Variants in SLC35B4 observed in about 807,000 individuals in gnomAD.
SLC35B4 encodes the protein nucleotide sugar transporter SLC35B4.
SLC35B4 carries 28 observed loss-of-function variants against 39.5 expected under a neutral mutation model. That is an observed-to-expected ratio of 0.71 (90% CI 0.53 to 0.97). SLC35B4 has a LOEUF of 0.97. SLC35B4 is among the 50% of genes least tolerant of loss of function. SLC35B4 has a pLI of 0.00. For synonymous variants in SLC35B4, 145 were observed against 150.4 expected, an observed-to-expected ratio of 0.96 and a Z score of 0.26; for missense variants, 334 against 414.3, an observed-to-expected ratio of 0.81 and a Z score of 1.68.
At chr7:134,295,419 C>T (rs1803441383) in intron 9 of SLC35B4, among the ~76,000 whole-genome samples, 1 of 152,074 alleles carries the variant, frequency 6.6e-6, no homozygotes, top group South Asian at 2.1e-4. Context: ...GCCTCCAGCC[C>T]TTCTATCCCC....
At chr7:134,316,030 A>G (rs1803965268) in intron 1 of SLC35B4, among the ~76,000 whole-genome samples, 1 of 150,710 alleles carries the variant, frequency 6.6e-6, no homozygotes, top group Non-Finnish European at 1.5e-5. Flanking sequence ...CTCAAAGAGC[A>G]CTCTCGGGTC....
At chr7:134,317,120 G>A (rs1267739800), upstream of SLC35B4, 3 of 232,042 alleles carry the variant, frequency 1.3e-5, no homozygotes, top group Non-Finnish European at 2.5e-5. Flanking sequence ...AGGCGGCCGC[G>A]GGTCTTGCTG....
In SLC35B4 at chr7:134,290,607, A is replaced by G. The variant is rs1585628374; in HGVS notation, c.*4226T>C. On this transcript the variant is annotated 3_prime_UTR_variant, in exon 10 of 10. Transcript: ENST00000378509. ...CATTCCAGCTTGGTACACACTGAAC[A>G]CATTTGAGGCTTATGACTGGTTCTT... 1 of 152,200 alleles carries G rather than the reference A, an allele frequency of 6.6e-6. No homozygotes were observed. Among genetic ancestry groups the G allele is most frequent in the African/African-American group, 2.4e-5 (1 of 41,450 alleles). 9.4% of individuals were successfully genotyped at this position (152,200 alleles called of 1,614,324 possible).
chr7:134,298,559 T>A (rs911351854), intron 8 of SLC35B4, among the ~76,000 whole-genome samples: 2 of 152,232 alleles, frequency 1.3e-5, no homozygotes, highest in Admixed American at 1.3e-4. Context: ...GACAACATTT[T>A]TATTTCAATA....
At position 134,295,055 on chromosome 7, in the gene SLC35B4, A is replaced by G. The variant is rs775073817; in HGVS notation, c.774T>C (p.Phe258=). 1 of 1,614,008 alleles carries G rather than the reference A, an allele frequency of 6.2e-7. No homozygotes were observed. The highest frequency in any genetic ancestry group is 8.5e-7 in the Non-Finnish European group (1 of 1,180,022). ...GGGAGGCGCATTCTGTGGTGAGGAT[A>G]AACACACCCCGGATGCACACGTACC... ...ITQYVCIRGV[F]ILTTECASLT... is the part of the protein sequence containing the mutation. The change falls in exon 10 of 10, where the codon TTT becomes TTC. Residue 258 remains phenylalanine (F), a synonymous_variant. Transcript: ENST00000378509.
intron 3 of SLC35B4, among the ~76,000 whole-genome samples, chr7:134,305,130 C>T (rs2598293): frequency 0.51 from 77,324 of 151,900 alleles, 20,288 homozygotes; most frequent in African/African-American, 0.62. Flanking sequence ...GAGACCAGCC[C>T]GGCCAACATG....
At position 134,294,977 on chromosome 7, in the gene SLC35B4, G is replaced by A. The variant is rs746503638; in HGVS notation, c.852C>T (p.Ser284=). 1.9e-6 allele frequency: 3 copies of A among 1,614,206 alleles called. No individual in the cohort carries two copies. In the South Asian group the frequency reaches 3.3e-5, roughly 18 times the overall value. The change falls in exon 10 of 10, where the codon TCC becomes TCT. Residue 284 remains serine, a synonymous_variant. Transcript: ENST00000378509. ...TGAAGGGGTTCTGGAAGTACAAGATGGAAAAGATGAGGCTCACAAATTTGC... is the reference window on the plus strand; with the variant it reads ...TGAAGGGGTTCTGGAAGTACAAGATAGAAAAGATGAGGCTCACAAATTTGC... ...TLRKFVSLIF[S]ILYFQNPFTL...
At chr7:134,302,005 T>C (rs749074250) in intron 5 of SLC35B4, 24 bp downstream of exon 5, 2 of 1,607,828 alleles carry the variant, frequency 1.2e-6, no homozygotes, top group Non-Finnish European at 1.7e-6. Flanking sequence ...GTAGTGAACA[T>C]AAAATAATTT....
chr7:134,320,075 C>G (rs958942071), upstream of SLC35B4, among the ~76,000 whole-genome samples: 1 of 152,082 alleles, frequency 6.6e-6, no homozygotes, highest in Non-Finnish European at 1.5e-5. Flanking sequence ...TTGTGTAGTA[C>G]GACATAACAA....
intron 8 of SLC35B4, chr7:134,299,318 T>A: frequency 4.2e-6 from 2 of 480,798 alleles, no homozygotes; most frequent in South Asian, 6.7e-5. Flanking sequence ...CTCGAAGATA[T>A]TCTTTTACTT....
rs759502670 is a variant in SLC35B4 at position 134,300,191 on chromosome 7, T to C, written c.558A>G (p.Lys186=). 3.7e-6 allele frequency: 6 copies of C among 1,613,286 alleles called. No individual in the cohort carries two copies. The Admixed American group carries it at 1.0e-4, about 27-fold the overall frequency. Residue 186 remains lysine (K), a synonymous_variant, in exon 7 of 10, where the codon AAA becomes AAG. Coordinates refer to ENST00000378509, the MANE Select transcript of SLC35B4 (RefSeq NM_032826.5). ...RMGIFQETLY[K]RFGKHSKEAL... ...CCTCCTTGGAGTGTTTCCCAAATCG[T>C]TTGTAGAGAGTCTCTTGGAATATCC...
At chr7:134,301,666 G>C (rs1422727631) in intron 6 of SLC35B4, 95 bp downstream of exon 6, 2 of 1,156,686 alleles carry the variant, frequency 1.7e-6, no homozygotes, top group South Asian at 1.3e-5. Flanking sequence ...AATTTGTTTA[G>C]CTGAAGCTTC....
At chr7:134,311,215 T>C (rs1458106853) in intron 1 of SLC35B4, among the ~76,000 whole-genome samples, 1 of 152,234 alleles carries the variant, frequency 6.6e-6, no homozygotes, top group Non-Finnish European at 1.5e-5. Flanking sequence ...AATCCATAAA[T>C]AATCATGTAA....
intron 4 of SLC35B4, among the ~76,000 whole-genome samples, chr7:134,304,118 T>G (rs1218555038): frequency 6.6e-6 from 1 of 152,256 alleles, no homozygotes; most frequent in African/African-American, 2.4e-5. Flanking sequence ...GTTCCACATC[T>G]GGGCTCTCCA....
In SLC35B4 at chr7:134,289,678, G is replaced by T. The variant is rs1254651562; in HGVS notation, c.*5155C>A. On this transcript the variant is annotated 3_prime_UTR_variant, in exon 10 of 10. Coordinates refer to ENST00000378509, the MANE Select transcript of SLC35B4 (RefSeq NM_032826.5). The stretch of plus-strand genomic sequence containing the variant: ...CTCTGGAATGAAAGCAACTGGCACA[G>T]AAATGACTGGCAATCGCAAGTGATA... The T allele has an allele frequency of 6.6e-6, 1 of 152,522 alleles. No homozygotes were observed. The highest frequency in any genetic ancestry group is 1.5e-5 in the Non-Finnish European group (1 of 68,010). 9.4% of individuals were successfully genotyped at this position (152,522 alleles called of 1,614,324 possible).
At chr7:134,313,199 C>T (rs1237119639) in intron 1 of SLC35B4, among the ~76,000 whole-genome samples, 5 of 152,128 alleles carry the variant, frequency 3.3e-5, no homozygotes, top group Non-Finnish European at 4.4e-5. Context: ...ATCTTGTTTT[C>T]TTGAGCTCTC....
At chr7:134,296,214 T>G (rs900592961) in intron 9 of SLC35B4, among the ~76,000 whole-genome samples, 177 bp downstream of exon 9, 1 of 152,202 alleles carries the variant, frequency 6.6e-6, no homozygotes, top group African/African-American at 2.4e-5. Flanking sequence ...ACCACTAGCA[T>G]CTCTTCTGCC....
At chr7:134,320,280 A>C (rs1804071218), upstream of SLC35B4, among the ~76,000 whole-genome samples, 1 of 152,182 alleles carries the variant, frequency 6.6e-6, no homozygotes. Flanking sequence ...TTGATCCCCG[A>C]GATGGCAGGA....
rs188766849 is a variant in SLC35B4 at position 134,297,118 on chromosome 7, G to T, written c.674-652C>A. On this transcript the variant is annotated intron_variant, in intron 8 of 9. Transcript: ENST00000378509. ...GTATTTTTAGTAGAGACGGGGTTTCGCCATGTTGGCCAGGCTGGTCTTGAA... is the reference window on the plus strand; with the variant it reads ...GTATTTTTAGTAGAGACGGGGTTTCTCCATGTTGGCCAGGCTGGTCTTGAA... Among the ~76,000 whole-genome samples, 5 of 152,078 alleles carry T rather than the reference G, an allele frequency of 3.3e-5. No homozygotes were observed. The East Asian group carries it at 9.7e-4, about 29-fold the overall frequency.
Sources: allele counts gnomAD v4.1 joint callset (sites outside exome capture counted in the v4.1 genomes callset), GRCh38; gene constraint gnomAD v4.1.1; transcripts MANE v1.5; gene names NCBI Gene and HGNC (gene_info 2026-07-23, HGNC 2026-07-21).